The following KDM3B variants were observed in gnomAD, a reference collection of about 807,000 sequenced individuals.
KDM3B encodes the protein lysine-specific demethylase 3B.
A neutral mutation model predicts 170.0 loss-of-function variants in KDM3B; 10 were observed. The ratio of observed to expected loss-of-function variants is 0.06; its 90% CI spans 0.04 to 0.10. The LOEUF is 0.10. Ranked by LOEUF, KDM3B falls within the 10% of genes least tolerant of loss-of-function variation. The probability of loss-of-function intolerance (pLI) is 1.00; values close to 1 mark genes in which losing one functional copy is unlikely to be tolerated. For missense variants in KDM3B, 1,394 were observed against 2,195.2 expected, an observed-to-expected ratio of 0.64 and a Z score of 7.29; for synonymous variants, 831 against 834.8, an observed-to-expected ratio of 1.00 and a Z score of 0.08.
chr5:138,422,853 C>T (rs1305042005), intron 15 of KDM3B, among the ~76,000 whole-genome samples: 1 of 152,140 alleles, frequency 6.6e-6, no homozygotes, highest in African/African-American at 2.4e-5. Context: ...TACATTTCTT[C>T]TTGGGTTTTA....
At chr5:138,381,047 T>C (rs1027725394) in intron 5 of KDM3B, among the ~76,000 whole-genome samples, 3 of 152,118 alleles carry the variant, frequency 2.0e-5, no homozygotes, top group Non-Finnish European at 2.9e-5. Context: ...TAATTTTTTG[T>C]ATTTTTAGTA....
Position 138,352,717 on chromosome 5 carries a change from C to T in KDM3B, c.-79C>T. 2 of 1,090,366 alleles carry T rather than the reference C, an allele frequency of 1.8e-6. No individual in the cohort carries two copies. The highest frequency in any genetic ancestry group is 1.7e-5 in the African/African-American group (1 of 58,276). 67.5% of individuals were successfully genotyped at this position (1,090,366 alleles called of 1,614,324 possible). On this transcript the variant is annotated 5_prime_UTR_variant, in exon 1 of 24. Coordinates refer to ENST00000314358, the MANE Select transcript of KDM3B (RefSeq NM_016604.4). ...GGCCGCGGGTGGTGCGGAGGGAGGC[C>T]TTGCGGGCGGATCGGGCGCTTGGCG...
At chr5:138,406,677 AAG>A (rs1762830189) in intron 11 of KDM3B, among the ~76,000 whole-genome samples, 1 of 152,194 alleles carries the variant, frequency 6.6e-6, no homozygotes, top group Non-Finnish European at 1.5e-5. Flanking sequence ...AACTTTTTAA[AAG>A]AGTATAAATG....
At chr5:138,390,935 G>T in intron 7 of KDM3B, 78 bp from the exon 8 acceptor site, 1 of 1,334,684 alleles carries the variant, frequency 7.5e-7, no homozygotes, top group South Asian at 1.5e-5. Flanking sequence ...TTGATCTGGT[G>T]ATAGTGAGGT....
chr5:138,386,997 A>T (rs1762280196), intron 7 of KDM3B, among the ~76,000 whole-genome samples: 1 of 152,228 alleles, frequency 6.6e-6, no homozygotes, highest in South Asian at 2.1e-4. Context: ...AATAGTGAAT[A>T]CTATAATTAA....
At chr5:138,380,635 T>C (rs1371659795) in intron 5 of KDM3B, among the ~76,000 whole-genome samples, 1 of 152,174 alleles carries the variant, frequency 6.6e-6, no homozygotes, top group Non-Finnish European at 1.5e-5. Context: ...TTTACATTAT[T>C]TATTGGAATA....
intron 1 of KDM3B, among the ~76,000 whole-genome samples, chr5:138,368,083 C>T (rs1192961293): frequency 1.3e-5 from 2 of 152,064 alleles, no homozygotes; most frequent in African/African-American, 4.8e-5. Context: ...TATCAACCTC[C>T]CTTGGTCACC....
chr5:138,427,436 A>G (rs1355930197), intron 19 of KDM3B, 117 bp downstream of exon 19: 5 of 1,157,460 alleles, frequency 4.3e-6, no homozygotes, highest in Non-Finnish European at 6.1e-6. Flanking sequence ...GTGCTGGAGA[A>G]GTGAATAGTA....
rs372475984 is a variant in KDM3B, at chr5:138,386,459, A to G, written c.1218A>G (p.Ala406=). The change falls in exon 7 of 24, where the codon GCA becomes GCG. Residue 406 remains alanine, a synonymous_variant. Transcript: ENST00000314358. The part of the protein sequence containing the change: ...PEVGGAENKE[A]GKTLEQVGQG... ...TGGGTGGAGCCGAAAACAAAGAGGC[A>G]GGAAAAACACTGGAACAAGTTGGCC... The G allele has an allele frequency of 4.0e-5, 64 of 1,614,214 alleles. No homozygotes were observed. The African/African-American group carries it at 7.9e-4, about 20-fold the overall frequency.
intron 11 of KDM3B, among the ~76,000 whole-genome samples, chr5:138,403,834 A>C (rs1762750836): frequency 6.7e-6 from 1 of 150,196 alleles, no homozygotes; most frequent in Non-Finnish European, 1.5e-5. Context: ...CTCAACCAAA[A>C]AAAAAAAAAA....
chr5:138,376,103 A>G (rs1006757048), intron 3 of KDM3B, among the ~76,000 whole-genome samples: 3 of 151,948 alleles, frequency 2.0e-5, no homozygotes, highest in South Asian at 2.1e-4. Flanking sequence ...CAGCCTCCCA[A>G]CTAGCTTGGG....
intron 1 of KDM3B, among the ~76,000 whole-genome samples, chr5:138,366,002 ATAAAT>A (rs1037817602): frequency 7.2e-5 from 11 of 152,218 alleles, no homozygotes; most frequent in African/African-American, 2.6e-4. Flanking sequence ...TCTCAAATAA[ATAAAT>A]AAATAAAATC....
rs148405512 is a variant in KDM3B at position 138,389,782 on chromosome 5, C to CTGTGTGTGTGTG, written c.1381-1211_1381-1200dup. On this transcript the variant is annotated intron_variant, in intron 7 of 23. Coordinates refer to ENST00000314358, the MANE Select transcript of KDM3B (RefSeq NM_016604.4). Reference sequence around the variant, plus strand: ...GTCTCTTCTCTCTCTCTCTCTCTCTCTGTGTGTGTGTGTGTGTGTGTGTGT... The same window carrying CTGTGTGTGTGTG: ...GTCTCTTCTCTCTCTCTCTCTCTCTCTGTGTGTGTGTGTGTGTGTGTGTGTGTGTGTGTGTGT... Among the ~76,000 whole-genome samples, 593 of 143,550 alleles carry CTGTGTGTGTGTG rather than the reference C, an allele frequency of 4.1e-3. 2 individuals are homozygous for CTGTGTGTGTGTG. The highest frequency in any genetic ancestry group is 0.013 in the African/African-American group (514 of 38,720). The allele number at this position is 143,550 out of a possible 152,430, so 94.2% of individuals were successfully genotyped here.
intron 14 of KDM3B, among the ~76,000 whole-genome samples, chr5:138,419,868 C>T (rs1172528685): frequency 1.3e-5 from 2 of 150,930 alleles, no homozygotes; most frequent in African/African-American, 4.9e-5. Flanking sequence ...AGAATTTATA[C>T]AAGGGGTTTT....
chr5:138,406,029 A>C (rs1429229356), intron 11 of KDM3B, among the ~76,000 whole-genome samples: 2 of 152,172 alleles, frequency 1.3e-5, no homozygotes, highest in African/African-American at 4.8e-5. Context: ...AGTTCAAAAG[A>C]AGGCAGGAAA....
At chr5:138,368,928 TC>T (rs1339256594) in intron 1 of KDM3B, among the ~76,000 whole-genome samples, 1 of 152,236 alleles carries the variant, frequency 6.6e-6, no homozygotes, top group East Asian at 1.9e-4. Flanking sequence ...TTTTAAATAT[TC>T]AAGTTCTTAT....
chr5:138,353,038 G>A, intron 1 of KDM3B, 51 bp downstream of exon 1: 8 of 1,201,606 alleles, frequency 6.7e-6, no homozygotes, highest in Non-Finnish European at 8.3e-6. Flanking sequence ...GGGGCCTGCG[G>A]GCGGCCTCCC....
At position 138,436,267 on chromosome 5, in the gene KDM3B, C is replaced by G. The variant is rs532265229; in HGVS notation, c.*567C>G. 24 of 152,424 alleles carry G rather than the reference C, an allele frequency of 1.6e-4. No homozygotes were observed. The highest frequency in any genetic ancestry group is 5.8e-4 in the African/African-American group (24 of 41,556). The allele number at this position is 152,424 out of a possible 1,614,324, so 9.4% of individuals were successfully genotyped here. On this transcript the variant is annotated 3_prime_UTR_variant, in exon 24 of 24. Coordinates refer to ENST00000314358, the MANE Select transcript of KDM3B (RefSeq NM_016604.4). Reference sequence around the variant, plus strand: ...AGAACCCACTGCTTTTCCCAGGAGGCTCCAGGATTAGGAAATGTGTGTATT... The same window carrying G: ...AGAACCCACTGCTTTTCCCAGGAGGGTCCAGGATTAGGAAATGTGTGTATT...
At chr5:138,421,547 C>A (rs1763273968) in intron 15 of KDM3B, among the ~76,000 whole-genome samples, 1 of 152,300 alleles carries the variant, frequency 6.6e-6, no homozygotes, top group East Asian at 1.9e-4. Flanking sequence ...TTCCTCTGTT[C>A]TGAGCCAACA....
Sources: allele counts gnomAD v4.1 joint callset (sites outside exome capture counted in the v4.1 genomes callset), GRCh38; gene constraint gnomAD v4.1.1; transcripts MANE v1.5; gene names NCBI Gene and HGNC (gene_info 2026-07-23, HGNC 2026-07-21).